AGAP1: variants seen among roughly 807,000 people sequenced by gnomAD.
AGAP1 encodes the protein arf-GAP with GTPase, ANK repeat and PH domain-containing protein 1.
In AGAP1, 29 loss-of-function variants were observed where a neutral mutation model predicts 105.3. The observed-to-expected ratio is 0.28, with a 90% CI of 0.21 to 0.38. AGAP1 has a LOEUF of 0.38. Among genes scored for constraint, AGAP1 ranks in the 10% least tolerant of loss-of-function variants. The probability of loss-of-function intolerance (pLI) is 1.00; values close to 1 mark genes in which losing one functional copy is unlikely to be tolerated. For synonymous variants in AGAP1, 509 were observed against 485.9 expected (o/e 1.05, Z -0.63); for missense variants, 998 against 1,165.1 (o/e 0.86, Z 2.09).
chr2:236,102,261 C>A (rs543933525), intron 16 of AGAP1, among the ~76,000 whole-genome samples: 129 of 152,016 alleles, frequency 8.5e-4, no homozygotes, highest in African/African-American at 3.0e-3. Flanking sequence ...ACTAAAAATA[C>A]AAAAAATTAG....
rs1183930672 is a variant in AGAP1, at chr2:236,076,671, T to C, written c.2114+27390T>C. The stretch of plus-strand genomic sequence containing the variant: ...TGGATTAAACAAAATTACAGAGGCT[T>C]CTTTGTGGCACTTAATAATTTCCCA... On this transcript the variant is annotated intron_variant, in intron 16 of 17. Transcript: ENST00000304032. This position sits in a 1 kb window ranked among gnomAD's most constrained non-coding sequence, Gnocchi z 4.4. Among the ~76,000 whole-genome samples, 2 of 152,104 alleles carry C rather than the reference T, an allele frequency of 1.3e-5. No homozygotes were observed. Among genetic ancestry groups the C allele is most frequent in the African/African-American group, 4.8e-5 (2 of 41,410 alleles).
At position 235,636,026 on chromosome 2, in the gene AGAP1, T is replaced by C. The variant is rs534371994; in HGVS notation, c.164-73153T>C. Among the ~76,000 whole-genome samples the C allele has an allele frequency of 2.6e-5, 4 of 152,000 alleles. No individual in the cohort carries two copies. The East Asian group carries it at 7.8e-4, about 30-fold the overall frequency. On this transcript the variant is annotated intron_variant, in intron 1 of 17. Coordinates refer to ENST00000304032, the MANE Select transcript of AGAP1 (RefSeq NM_001037131.3). ...TACTTGGGAGGCTGAGGCAGGAGAA[T>C]AGCTTGAACCCGGAAGGTGGAGGTT...
intron 13 of AGAP1, among the ~76,000 whole-genome samples, chr2:235,996,790 G>A (rs975871923): frequency 1.3e-5 from 2 of 152,232 alleles, no homozygotes; most frequent in Non-Finnish European, 2.9e-5. Flanking sequence ...AAGCAAAGTC[G>A]TTTTAGAATG....
Position 235,901,804 on chromosome 2 carries a change from A to G in AGAP1, c.1156-6934A>G, listed in dbSNP as rs1190768950. On this transcript the variant is annotated intron_variant, in intron 10 of 17. Transcript: ENST00000304032. The surrounding 1 kb of genome is among the most constrained non-coding windows in gnomAD (Gnocchi z 4.3). ...TGAGGCAGTAGAATCACTTGAACCCAGGAGACAGAAATTGCAGTGAGCCGA... is the reference window on the plus strand; with the variant it reads ...TGAGGCAGTAGAATCACTTGAACCCGGGAGACAGAAATTGCAGTGAGCCGA... 6.7e-6 allele frequency among the ~76,000 whole-genome samples: 1 copy of G among 150,276 alleles called. No individual in the cohort carries two copies. Among genetic ancestry groups the G allele is most frequent in the Non-Finnish European group, 1.5e-5 (1 of 67,428 alleles).
intron 9 of AGAP1, among the ~76,000 whole-genome samples, chr2:235,850,056 C>T (rs1409980232): frequency 6.6e-6 from 1 of 152,182 alleles, no homozygotes; most frequent in Non-Finnish European, 1.5e-5. Context: ...GGCCTGGCAC[C>T]TGCCTTTCCC....
chr2:236,123,946 G>T lies in AGAP1; in HGVS notation c.2398G>T (p.Ala800Ser). ...WYGVDVTARD[A>S]HGNTALAYAR... ...CGGAGTGGACGTCACGGCCCGAGATGCCCACGGGAACACAGCTCTGGCCTA... is the reference window on the plus strand; with the variant it reads ...CGGAGTGGACGTCACGGCCCGAGATTCCCACGGGAACACAGCTCTGGCCTA... The change falls in exon 18 of 18, where the codon GCC becomes TCC. Residue 800 changes from alanine to serine, a missense_variant. By Grantham distance (99) the Ala-to-Ser change is moderately conservative. Coordinates refer to ENST00000304032, the MANE Select transcript of AGAP1 (RefSeq NM_001037131.3). The surrounding 1 kb of genome is among the most constrained non-coding windows in gnomAD (Gnocchi z 4.6). The T allele has an allele frequency of 6.2e-7, 1 of 1,613,586 alleles. No homozygotes were observed. The highest frequency in any genetic ancestry group is 1.3e-5 in the African/African-American group (1 of 75,022).
rs561398645 is a variant in AGAP1 at position 235,705,168 on chromosome 2, G to A, written c.164-4011G>A. ...TAATTTTTGTATTTTTAGTAGAGAC[G>A]AGGTTTCGCCATGTTGGCCAGGCTG... On this transcript the variant is annotated intron_variant, in intron 1 of 17. Transcript: ENST00000304032. This position sits in a 1 kb window ranked among gnomAD's most constrained non-coding sequence, Gnocchi z 4.9. Among the ~76,000 whole-genome samples, 296 of 151,706 alleles carry A rather than the reference G, an allele frequency of 2.0e-3. 3 individuals carry two copies. Among genetic ancestry groups the A allele is most frequent in the African/African-American group, 6.7e-3 (276 of 41,414 alleles).
rs1211623505 is a variant in AGAP1 at position 235,622,895 on chromosome 2, T to A, written c.164-86284T>A. 6.6e-6 allele frequency among the ~76,000 whole-genome samples: 1 copy of A among 152,150 alleles called. No individual in the cohort carries two copies. Among genetic ancestry groups the A allele is most frequent in the Non-Finnish European group, 1.5e-5 (1 of 68,030 alleles). Reference sequence around the variant, plus strand: ...AATAGTCTCTTCTTGGAGTCAGCACTGCTTCACGGTCCTATTGGCATGAGA... The same window carrying A: ...AATAGTCTCTTCTTGGAGTCAGCACAGCTTCACGGTCCTATTGGCATGAGA... On this transcript the variant is annotated intron_variant, in intron 1 of 17. Transcript: ENST00000304032. This position sits in a 1 kb window ranked among gnomAD's most constrained non-coding sequence, Gnocchi z 5.0.
chr2:236,091,449 G>A (rs1486503017), intron 16 of AGAP1, among the ~76,000 whole-genome samples: 1 of 152,152 alleles, frequency 6.6e-6, no homozygotes, highest in Non-Finnish European at 1.5e-5. Flanking sequence ...GACCCAGCAG[G>A]TGCACTATTA....
Position 235,740,858 on chromosome 2 carries a change from G to T in AGAP1, c.311-105G>T. The T allele has an allele frequency of 1.5e-6, 2 of 1,356,690 alleles. No homozygotes were observed. The highest frequency in any genetic ancestry group is 1.4e-5 in the South Asian group (1 of 74,048). 84.0% of individuals were successfully genotyped at this position (1,356,690 alleles called of 1,614,324 possible). A position where few individuals can be genotyped will look rare whatever the true frequency, so the allele number is the denominator to read the frequency against. On this transcript the variant is annotated intron_variant, in intron 3 of 17. Coordinates refer to ENST00000304032, the MANE Select transcript of AGAP1 (RefSeq NM_001037131.3). This position sits in a 1 kb window ranked among gnomAD's most constrained non-coding sequence, Gnocchi z 5.7. ...CATCCTAAATACTCAGTTGCCTCCA[G>T]GGCGACAGCCTAGGGTGTATTTTTC... is the stretch of plus-strand genomic sequence containing the variant.
chr2:235,693,334 T>C (rs1023295408), intron 1 of AGAP1, among the ~76,000 whole-genome samples: 6 of 152,118 alleles, frequency 3.9e-5, no homozygotes, highest in Non-Finnish European at 7.4e-5. Flanking sequence ...GCTGGGCCTT[T>C]ATGCCTGTCA....
chr2:235,956,752 G>A (rs1054317892), intron 12 of AGAP1, among the ~76,000 whole-genome samples: 3 of 152,210 alleles, frequency 2.0e-5, no homozygotes, highest in Non-Finnish European at 2.9e-5. Flanking sequence ...TGGGTCAGCT[G>A]TGTAGAGCCA....
chr2:235,937,387 A>G (rs907213242), intron 12 of AGAP1, among the ~76,000 whole-genome samples: 4 of 152,192 alleles, frequency 2.6e-5, no homozygotes, highest in Non-Finnish European at 4.4e-5. Context: ...TTTCCTCCCA[A>G]TCAGAATGTT....
intron 1 of AGAP1, among the ~76,000 whole-genome samples, 196 bp downstream of exon 1, chr2:235,495,045 G>A (rs1941253545): frequency 6.6e-6 from 1 of 152,172 alleles, no homozygotes; most frequent in African/African-American, 2.4e-5. Flanking sequence ...CGCGAGCTCC[G>A]CCAGGAAGAT....
At chr2:235,520,359 C>T (rs957362819) in intron 1 of AGAP1, among the ~76,000 whole-genome samples, 1 of 152,220 alleles carries the variant, frequency 6.6e-6, no homozygotes, top group Admixed American at 6.5e-5. Flanking sequence ...GAAACTCCTC[C>T]AATGAGTAGG....
At chr2:236,097,515 A>G (rs376706201) in intron 16 of AGAP1, among the ~76,000 whole-genome samples, 126 of 148,226 alleles carry the variant, frequency 8.5e-4, no homozygotes, top group African/African-American at 3.0e-3. Context: ...ACCTCAGCCT[A>G]CTGAGTAGCT....
In AGAP1 at chr2:235,740,613, C is replaced by A. The variant is rs1952523307; in HGVS notation, c.311-350C>A. Among the ~76,000 whole-genome samples, 3 of 152,182 alleles carry A rather than the reference C, an allele frequency of 2.0e-5. No homozygotes were observed. Among genetic ancestry groups the A allele is most frequent in the Admixed American group, 2.0e-4 (3 of 15,274 alleles). ...GAAAAATTTGTTTCAGTTTTGTGAACCCAACAAGAGAATGACAATTTTAAT... is the reference window on the plus strand; with the variant it reads ...GAAAAATTTGTTTCAGTTTTGTGAAACCAACAAGAGAATGACAATTTTAAT... On this transcript the variant is annotated intron_variant, in intron 3 of 17. Coordinates refer to ENST00000304032, the MANE Select transcript of AGAP1 (RefSeq NM_001037131.3). This position sits in a 1 kb window ranked among gnomAD's most constrained non-coding sequence, Gnocchi z 5.7.
intron 1 of AGAP1, among the ~76,000 whole-genome samples, chr2:235,683,589 A>C (rs1255202671): frequency 1.3e-5 from 2 of 151,738 alleles, no homozygotes; most frequent in African/African-American, 4.8e-5. Flanking sequence ...ATTTAGGAAT[A>C]ACTTGTTAGA....
chr2:235,710,502 C>T (rs1023760223), intron 2 of AGAP1, among the ~76,000 whole-genome samples: 14 of 152,282 alleles, frequency 9.2e-5, no homozygotes, highest in South Asian at 2.1e-4. Flanking sequence ...GTCTGCCCCC[C>T]GCCCCATTCC....
Sources: gnomAD v4.1 joint callset for allele counts (sites outside exome capture counted in the v4.1 genomes callset) on GRCh38, gnomAD v4.1.1 for gene constraint, Gnocchi (gnomAD v3.1) non-coding constraint, MANE v1.5 for transcripts, NCBI Gene and HGNC (gene_info 2026-07-23, HGNC 2026-07-21) for gene names.